Variants in PTPRN2 observed in about 807,000 individuals in gnomAD.
The protein encoded by PTPRN2 is protein tyrosine phosphatase receptor type N2.
Under a neutral mutation model 118.8 loss-of-function variants are expected in PTPRN2, and 74 were observed. The ratio of observed to expected loss-of-function variants is 0.62; its 90% CI spans 0.52 to 0.76. PTPRN2 has a LOEUF of 0.76. PTPRN2 is among the 30% of genes least tolerant of loss of function. The pLI is 0.00. For missense variants in PTPRN2, 1,481 were observed against 1,394.4 expected, an observed-to-expected ratio of 1.06 and a Z score of -0.99; for synonymous variants, 641 against 608.0, an observed-to-expected ratio of 1.05 and a Z score of -0.80.
At position 157,671,724 on chromosome 7, in the gene PTPRN2, C is replaced by T. The variant is rs912002889; in HGVS notation, c.2001+11001G>A. ...CTTCTCCATTTTCGGAACTGCACGT[C>T]GTTCTGGGGCCCAATTATTCTACCT... On this transcript the variant is annotated intron_variant, in intron 13 of 22. Coordinates refer to ENST00000389418, the MANE Select transcript of PTPRN2 (RefSeq NM_002847.5). This position sits in a 1 kb window ranked among gnomAD's most constrained non-coding sequence, Gnocchi z 4.1. 2.6e-5 allele frequency among the ~76,000 whole-genome samples: 4 copies of T among 152,058 alleles called. No individual in the cohort carries two copies. The highest frequency in any genetic ancestry group is 4.8e-5 in the African/African-American group (2 of 41,398).
chr7:158,194,658 G>T (rs981834805), intron 4 of PTPRN2, among the ~76,000 whole-genome samples: 2 of 152,228 alleles, frequency 1.3e-5, no homozygotes, highest in Non-Finnish European at 2.9e-5. Flanking sequence ...GGAGAGGCTA[G>T]GTCCGAGGTG....
Position 157,953,423 on chromosome 7 carries a change from G to A in PTPRN2, c.1724-54686C>T, listed in dbSNP as rs932468843. 2.0e-5 allele frequency among the ~76,000 whole-genome samples: 3 copies of A among 152,164 alleles called. No individual in the cohort carries two copies. Among genetic ancestry groups the A allele is most frequent in the Non-Finnish European group, 4.4e-5 (3 of 68,026 alleles). On this transcript the variant is annotated intron_variant, in intron 11 of 22. Coordinates refer to ENST00000389418, the MANE Select transcript of PTPRN2 (RefSeq NM_002847.5). This position sits in a 1 kb window ranked among gnomAD's most constrained non-coding sequence, Gnocchi z 4.6. ...TCCCCGGGCACAGAGGGAACGGCCTGGGTGGCATGGAGAGTGTCCTCCCAG... is the reference window on the plus strand; with the variant it reads ...TCCCCGGGCACAGAGGGAACGGCCTAGGTGGCATGGAGAGTGTCCTCCCAG...
intron 11 of PTPRN2, among the ~76,000 whole-genome samples, chr7:157,942,802 C>T (rs919747455): frequency 3.3e-5 from 5 of 152,188 alleles, no homozygotes; most frequent in African/African-American, 1.2e-4. Context: ...TGATGACAGG[C>T]AGTGGCAGGG....
intron 5 of PTPRN2, among the ~76,000 whole-genome samples, chr7:158,191,874 A>G (rs1176664797): frequency 6.6e-6 from 1 of 151,946 alleles, no homozygotes; most frequent in Admixed American, 6.5e-5. Flanking sequence ...CTTGCCGGGG[A>G]GCAGGAGCTT....
chr7:157,797,795 C>G (rs1804965436), intron 12 of PTPRN2, among the ~76,000 whole-genome samples: 1 of 152,234 alleles, frequency 6.6e-6, no homozygotes, highest in South Asian at 2.1e-4. Flanking sequence ...TCCTTCCTTT[C>G]TTTGGAGCCT....
chr7:157,668,550 T>C (rs182259930), intron 13 of PTPRN2, among the ~76,000 whole-genome samples: 5 of 152,336 alleles, frequency 3.3e-5, no homozygotes, highest in Non-Finnish European at 2.9e-5. Context: ...CACTGGGCTC[T>C]GCTGGGGAGG....
chr7:158,338,730 CCAT>C (rs1806161437), intron 2 of PTPRN2, among the ~76,000 whole-genome samples: 1 of 16,052 alleles, frequency 6.2e-5, no homozygotes, highest in Admixed American at 4.3e-4. Flanking sequence ...CACATTCTCA[CCAT>C]AAGAAGTGAC....
chr7:158,432,940 T>G (rs1816327099), intron 2 of PTPRN2, among the ~76,000 whole-genome samples: 1 of 152,118 alleles, frequency 6.6e-6, no homozygotes, highest in Non-Finnish European at 1.5e-5. Context: ...CAGACATAGA[T>G]TCATAACCCA....
intron 11 of PTPRN2, among the ~76,000 whole-genome samples, chr7:158,026,874 G>C (rs1807313712): frequency 6.6e-6 from 1 of 152,242 alleles, no homozygotes; most frequent in Non-Finnish European, 1.5e-5. Flanking sequence ...CGTGAACACA[G>C]GACACACAGC....
At position 158,360,913 on chromosome 7, in the gene PTPRN2, T is replaced by C. The variant is rs371289774; in HGVS notation, c.164-43981A>G. 1.5e-3 allele frequency among the ~76,000 whole-genome samples: 2 copies of C among 1,370 alleles called. 1 individual carries two copies. The highest frequency in any genetic ancestry group is 2.9e-3 in the Non-Finnish European group (2 of 700). The allele number at this position is 1,370 out of a possible 152,430, so 0.9% of individuals were successfully genotyped here. ...CTCACCCGGGGTGACCCACAGACCC[T>C]GCATCCACCCTCACCCAGGACGACG... On this transcript the variant is annotated intron_variant, in intron 2 of 22. Coordinates refer to ENST00000389418, the MANE Select transcript of PTPRN2 (RefSeq NM_002847.5).
chr7:157,845,444 C>T lies in PTPRN2; in HGVS notation c.1788+53229G>A, dbSNP rs575545432. 9.3e-4 allele frequency among the ~76,000 whole-genome samples: 141 copies of T among 151,682 alleles called. No individual in the cohort carries two copies. The South Asian group carries it at 0.011, about 12-fold the overall frequency. Reference sequence around the variant, plus strand: ...TAACTCACCATGTTCCCGGCCATACCCCAGTGAACCACACAGCCTAACTCA... The same window carrying T: ...TAACTCACCATGTTCCCGGCCATACTCCAGTGAACCACACAGCCTAACTCA... On this transcript the variant is annotated intron_variant, in intron 12 of 22. Coordinates refer to ENST00000389418, the MANE Select transcript of PTPRN2 (RefSeq NM_002847.5). The surrounding 1 kb of genome is among the most constrained non-coding windows in gnomAD (Gnocchi z 4.5).
chr7:158,377,981 G>A (rs1323041453), intron 2 of PTPRN2, among the ~76,000 whole-genome samples: 2 of 152,154 alleles, frequency 1.3e-5, no homozygotes, highest in Non-Finnish European at 2.9e-5. Flanking sequence ...AGCCAGTCCT[G>A]GCGCTAGCTC....
At chr7:157,985,030 T>C (rs909007010) in intron 11 of PTPRN2, among the ~76,000 whole-genome samples, 5 of 152,198 alleles carry the variant, frequency 3.3e-5, no homozygotes, top group African/African-American at 7.2e-5. Context: ...GGTGGTGGTC[T>C]CTAGCACTCC....
At chr7:158,452,161 C>T (rs1818133965) in intron 2 of PTPRN2, among the ~76,000 whole-genome samples, 1 of 152,138 alleles carries the variant, frequency 6.6e-6, no homozygotes, top group African/African-American at 2.4e-5. Context: ...TGTCCCATCA[C>T]TGCAAAGCAC....
intron 11 of PTPRN2, among the ~76,000 whole-genome samples, chr7:158,061,518 AG>A (rs1810342082): frequency 6.6e-6 from 1 of 152,194 alleles, no homozygotes; most frequent in Non-Finnish European, 1.5e-5. Flanking sequence ...AGGAGAGACC[AG>A]CTGCTGCTGT....
intron 5 of PTPRN2, among the ~76,000 whole-genome samples, chr7:158,188,941 C>A (rs1825532934): frequency 6.6e-6 from 1 of 152,156 alleles, no homozygotes; most frequent in African/African-American, 2.4e-5. Context: ...CTGAGTCCAG[C>A]AGAACCACTG....
intron 12 of PTPRN2, among the ~76,000 whole-genome samples, chr7:157,854,280 C>T (rs929705444): frequency 6.6e-6 from 1 of 152,216 alleles, no homozygotes; most frequent in Non-Finnish European, 1.5e-5. Flanking sequence ...GCTCAGAAGC[C>T]TGGATACCGT....
At chr7:157,555,595 G>A (rs1185698955) in intron 21 of PTPRN2, among the ~76,000 whole-genome samples, 1 of 152,192 alleles carries the variant, frequency 6.6e-6, no homozygotes, top group African/African-American at 2.4e-5. Context: ...CATGGCTTCC[G>A]GCAGCCTGTT....
intron 3 of PTPRN2, among the ~76,000 whole-genome samples, chr7:158,275,498 C>A (rs960022660): frequency 2.0e-5 from 3 of 152,140 alleles, no homozygotes; most frequent in Non-Finnish European, 2.9e-5. Context: ...GGCGTGCACC[C>A]CATGAATAAA....
Sources: allele counts gnomAD v4.1 joint callset (sites outside exome capture counted in the v4.1 genomes callset), GRCh38; gene constraint gnomAD v4.1.1; non-coding constraint Gnocchi (gnomAD v3.1); transcripts MANE v1.5; gene names NCBI Gene and HGNC (gene_info 2026-07-23, HGNC 2026-07-21).